The following RTTN variants were observed in gnomAD, a reference collection of about 807,000 sequenced individuals.
The protein encoded by RTTN is rotatin.
Under a neutral mutation model 269.2 loss-of-function variants are expected in RTTN, and 182 were observed. The ratio of observed to expected loss-of-function variants is 0.68; its 90% confidence interval spans 0.60 to 0.76. The LOEUF (loss-of-function observed/expected upper bound fraction) is 0.76. Among genes scored for constraint, RTTN ranks in the 30% least tolerant of loss-of-function variants. The pLI is 0.00. For synonymous variants in RTTN, 1,006 were observed against 963.5 expected, an observed-to-expected ratio of 1.04 and a Z score of -0.82; for missense variants, 2,545 against 2,608.6, an observed-to-expected ratio of 0.98 and a Z score of 0.53.
In RTTN at chr18:70,135,186, C is replaced by T; in HGVS notation, c.2883G>A (p.Met961Ile). 1 of 1,495,378 alleles carries T rather than the reference C, an allele frequency of 6.7e-7. No homozygotes were observed. The highest frequency in any genetic ancestry group is 2.4e-5 in the Admixed American group (1 of 41,462). 92.6% of individuals were successfully genotyped at this position (1,495,378 alleles called of 1,614,324 possible). A position where few individuals can be genotyped will look rare whatever the true frequency, so the allele number is the denominator to read the frequency against. The change falls in exon 22 of 49, where the codon ATG (methionine) becomes ATA (isoleucine). Residue 961 changes from methionine (M) to isoleucine (I), a missense_variant and splice_region_variant. Coordinates refer to ENST00000640769, the MANE Select transcript of RTTN (RefSeq NM_173630.4). ...LLFDEVSRMD[M>I]WSVNPSNKPS... ...ACTTATAAATTCTTATATCTCACCACATATCCATTCTCGATACTTCATCAA... is the reference window on the plus strand; with the variant it reads ...ACTTATAAATTCTTATATCTCACCATATATCCATTCTCGATACTTCATCAA...
intron 48 of RTTN, 39 bp from the exon 49 acceptor site, chr18:70,004,275 T>A: frequency 7.0e-7 from 1 of 1,427,756 alleles, no homozygotes. Context: ...TACTAGTTTA[T>A]GAAACTTGGT....
intron 26 of RTTN, among the ~76,000 whole-genome samples, chr18:70,118,374 G>A (rs2059650630): frequency 6.6e-6 from 1 of 151,886 alleles, no homozygotes; most frequent in African/African-American, 2.4e-5. Context: ...GACACATAGA[G>A]CTACCAAGAT....
At chr18:70,108,926 T>C (rs887763538) in intron 28 of RTTN, among the ~76,000 whole-genome samples, 3 of 152,124 alleles carry the variant, frequency 2.0e-5, no homozygotes, top group Admixed American at 6.5e-5. Flanking sequence ...GTTTTGATAT[T>C]GGAAATAAGA....
chr18:70,105,208 T>A (rs997534859), intron 28 of RTTN, among the ~76,000 whole-genome samples: 2 of 151,542 alleles, frequency 1.3e-5, no homozygotes, highest in African/African-American at 4.8e-5. Context: ...CGGACACCCC[T>A]CCCCCAGCCT....
Position 70,134,686 on chromosome 18 carries a change from T to C in RTTN, c.2886-145A>G, listed in dbSNP as rs918752143. 3 of 583,254 alleles carry C rather than the reference T, an allele frequency of 5.1e-6. No homozygotes were observed. The Admixed American group carries it at 1.1e-4, about 21-fold the overall frequency. 36.1% of individuals were successfully genotyped at this position (583,254 alleles called of 1,614,324 possible). On this transcript the variant is annotated intron_variant, in intron 22 of 48. Coordinates refer to ENST00000640769, the MANE Select transcript of RTTN (RefSeq NM_173630.4). ...TATCATTTAGTATAGAAACAACATGTTTGCTACTTCCTAGATTTGCTTATG... is the reference window on the plus strand; with the variant it reads ...TATCATTTAGTATAGAAACAACATGCTTGCTACTTCCTAGATTTGCTTATG...
chr18:70,036,373 A>G (rs555282169), intron 40 of RTTN, among the ~76,000 whole-genome samples: 5 of 152,230 alleles, frequency 3.3e-5, no homozygotes, highest in Non-Finnish European at 7.3e-5. Context: ...CATAAAAAAG[A>G]GTGAGATCAT....
At chr18:70,168,711 C>G in intron 12 of RTTN, 144 bp downstream of exon 12, 1 of 576,350 alleles carries the variant, frequency 1.7e-6, no homozygotes, top group East Asian at 2.9e-5. Flanking sequence ...TGTTAAATAA[C>G]AGGTTATGTA....
chr18:70,198,473 TC>T lies in RTTN; in HGVS notation c.579-736del, dbSNP rs557132166. Among the ~76,000 whole-genome samples the T allele has an allele frequency of 2.3e-4, 35 of 152,304 alleles. No homozygotes were observed. The South Asian group carries it at 3.1e-3, about 14-fold the overall frequency. On this transcript the variant is annotated intron_variant, in intron 5 of 48. Coordinates refer to ENST00000640769, the MANE Select transcript of RTTN (RefSeq NM_173630.4). ...AGAGAATTCATGTCATTATTAAAAA[TC>T]ACTTAATGGCATCCACCTGTAATCT...
At chr18:70,027,184 C>T (rs1477157040) in intron 43 of RTTN, among the ~76,000 whole-genome samples, 2 of 152,168 alleles carry the variant, frequency 1.3e-5, no homozygotes, top group African/African-American at 4.8e-5. Context: ...TACCTCACAG[C>T]CACCATGCTC....
intron 34 of RTTN, among the ~76,000 whole-genome samples, chr18:70,068,847 T>A (rs1304766407): frequency 6.6e-6 from 1 of 152,172 alleles, no homozygotes; most frequent in Non-Finnish European, 1.5e-5. Context: ...CAATTTATAA[T>A]CCCTCGGTAA....
intron 32 of RTTN, 71 bp downstream of exon 32, chr18:70,086,542 C>A: frequency 8.6e-7 from 1 of 1,162,424 alleles, no homozygotes; most frequent in Non-Finnish European, 1.3e-6. Context: ...AAATATACTA[C>A]TTATACTGAA....
At chr18:70,075,584 C>A in intron 32 of RTTN, 43 bp from the exon 33 acceptor site, 1 of 1,439,464 alleles carries the variant, frequency 6.9e-7, no homozygotes, top group Non-Finnish European at 9.3e-7. Flanking sequence ...CTGATTTATC[C>A]AACAATTTCC....
At chr18:70,088,854 A>G (rs1039323433) in intron 30 of RTTN, among the ~76,000 whole-genome samples, 2 of 152,228 alleles carry the variant, frequency 1.3e-5, no homozygotes, top group Admixed American at 6.5e-5. Context: ...TTTTATTGTA[A>G]TAGCATATTT....
intron 11 of RTTN, among the ~76,000 whole-genome samples, chr18:70,172,124 C>G (rs2061158795): frequency 6.6e-6 from 1 of 152,136 alleles, no homozygotes; most frequent in Admixed American, 6.6e-5. Context: ...ATGAAATTAC[C>G]TTCATTTGTT....
intron 30 of RTTN, among the ~76,000 whole-genome samples, chr18:70,090,478 A>G (rs2058815539): frequency 6.6e-6 from 1 of 152,186 alleles, no homozygotes; most frequent in Non-Finnish European, 1.5e-5. Context: ...TTGATGTGAG[A>G]TGATACAATG....
chr18:70,205,462 A>C, intron 1 of RTTN, 147 bp from the exon 2 acceptor site: 1 of 1,357,120 alleles, frequency 7.4e-7, no homozygotes, highest in Admixed American at 1.9e-5. Flanking sequence ...CGAACCGCGA[A>C]GTTTACACAA....
chr18:70,127,877 A>G (rs1209368200), intron 24 of RTTN, 136 bp from the exon 25 acceptor site: 1 of 760,930 alleles, frequency 1.3e-6, no homozygotes, highest in Non-Finnish European at 2.0e-6. Flanking sequence ...TTACAGCCAG[A>G]AGAAAAACTG....
chr18:70,107,488 G>A lies in RTTN; in HGVS notation c.3903+2010C>T, dbSNP rs373718263. ...AACTATGTACAACCATATCATTGTC[G>A]TATTTATTATATCACAGTAGAAATA... On this transcript the variant is annotated intron_variant, in intron 28 of 48. Coordinates refer to ENST00000640769, the MANE Select transcript of RTTN (RefSeq NM_173630.4). Among the ~76,000 whole-genome samples, 63 of 152,250 alleles carry A rather than the reference G, an allele frequency of 4.1e-4. No individual in the cohort carries two copies. In the South Asian group the frequency reaches 5.6e-3, roughly 14 times the overall value.
chr18:70,133,120 C>G (rs2060037679), intron 23 of RTTN, among the ~76,000 whole-genome samples: 1 of 152,110 alleles, frequency 6.6e-6, no homozygotes, highest in Non-Finnish European at 1.5e-5. Flanking sequence ...ATGCCTACAG[C>G]ACACTTACTA....
Sources: gnomAD v4.1 joint callset for allele counts (sites outside exome capture counted in the v4.1 genomes callset) on GRCh38, gnomAD v4.1.1 for gene constraint, MANE v1.5 for transcripts, NCBI Gene and HGNC (gene_info 2026-07-23, HGNC 2026-07-21) for gene names.